The following EYS variants were observed in gnomAD, a reference collection of about 807,000 sequenced individuals.
EYS encodes EGF-like photoreceptor maintenance factor.
A neutral mutation model predicts 282.1 loss-of-function variants in EYS; 250 were observed. That is an observed-to-expected ratio of 0.89 (90% confidence interval 0.80 to 0.98). The LOEUF (loss-of-function observed/expected upper bound fraction) is 0.98, where lower values mean the gene tolerates loss of function less well. Ranked by LOEUF, EYS falls within the 50% of genes least tolerant of loss-of-function variation. The pLI, the probability that EYS is intolerant of heterozygous loss-of-function variation, is 0.00. For synonymous variants in EYS, 1,355 were observed against 1,282.9 expected (o/e 1.06, Z -1.20); for missense variants, 4,016 against 3,709.0 (o/e 1.08, Z -2.15).
At chr6:64,692,777 C>G (rs1022160338) in intron 22 of EYS, among the ~76,000 whole-genome samples, 1 of 151,958 alleles carries the variant, frequency 6.6e-6, no homozygotes, top group African/African-American at 2.4e-5. Context: ...TTTTGTCTAC[C>G]TCATCGAAGA....
chr6:65,601,401 A>C (rs1765611969), intron 2 of EYS, among the ~76,000 whole-genome samples: 1 of 151,922 alleles, frequency 6.6e-6, no homozygotes, highest in Non-Finnish European at 1.5e-5. Flanking sequence ...AATTGTCTGA[A>C]TCCCCATGGC....
chr6:64,394,065 A>C (rs1295259937), intron 28 of EYS, among the ~76,000 whole-genome samples: 2 of 152,132 alleles, frequency 1.3e-5, no homozygotes. Flanking sequence ...CTAGGAATCA[A>C]ACTTACAAGG....
At chr6:64,269,036 T>G (rs936024098) in intron 30 of EYS, among the ~76,000 whole-genome samples, 1 of 152,184 alleles carries the variant, frequency 6.6e-6, no homozygotes, top group Non-Finnish European at 1.5e-5. Flanking sequence ...TGCTTCCTCA[T>G]GTGTGATGTT....
chr6:64,946,091 AT>A (rs1769282100), intron 14 of EYS, among the ~76,000 whole-genome samples, 177 bp from the exon 15 acceptor site: 1 of 152,056 alleles, frequency 6.6e-6, no homozygotes, highest in South Asian at 2.1e-4. Flanking sequence ...TGTGAACAGT[AT>A]TCTTTAGTAT....
intron 41 of EYS, among the ~76,000 whole-genome samples, chr6:63,745,988 T>C (rs1769202248): frequency 6.6e-6 from 1 of 152,206 alleles, no homozygotes; most frequent in Non-Finnish European, 1.5e-5. Context: ...GAGCCCTTGC[T>C]GGAACCTAAC....
intron 12 of EYS, among the ~76,000 whole-genome samples, chr6:65,262,423 T>C (rs1767645514): frequency 6.6e-6 from 1 of 152,096 alleles, no homozygotes; most frequent in African/African-American, 2.4e-5. Flanking sequence ...TTCAGTGACC[T>C]GCCCAGCCCA....
intron 4 of EYS, chr6:65,491,268 T>TACAC (rs775885592): frequency 2.2e-3 from 352 of 160,732 alleles, no homozygotes; most frequent in Non-Finnish European, 2.6e-3. Context: ...ATATCAGTTA[T>TACAC]ATACACACAC....
intron 22 of EYS, among the ~76,000 whole-genome samples, chr6:64,744,621 A>G (rs1416142622): frequency 6.6e-6 from 1 of 152,200 alleles, no homozygotes; most frequent in African/African-American, 2.4e-5. Flanking sequence ...TAAAACTTGA[A>G]CTAAAAACAT....
chr6:65,002,488 T>C (rs1333794258), intron 13 of EYS, among the ~76,000 whole-genome samples: 1 of 127,836 alleles, frequency 7.8e-6, no homozygotes, highest in African/African-American at 2.5e-5. Flanking sequence ...ACCACTACCT[T>C]TTATATCTGG....
At chr6:65,231,574 A>G (rs1199774888) in intron 12 of EYS, among the ~76,000 whole-genome samples, 2 of 151,812 alleles carry the variant, frequency 1.3e-5, no homozygotes, top group South Asian at 2.1e-4. Flanking sequence ...CCTTGACCAT[A>G]AATACACAAA....
intron 30 of EYS, among the ~76,000 whole-genome samples, chr6:64,289,033 T>A (rs1768604154): frequency 6.6e-6 from 1 of 152,072 alleles, no homozygotes; most frequent in Admixed American, 6.6e-5. Flanking sequence ...GTGATTCGGG[T>A]GCTTCATCTA....
At chr6:63,801,148 C>T (rs1582220652) in intron 37 of EYS, among the ~76,000 whole-genome samples, 1 of 152,038 alleles carries the variant, frequency 6.6e-6, no homozygotes. Context: ...TTAGAACCAT[C>T]CCATGTAACA....
At chr6:65,479,650 T>C (rs1765532461) in intron 5 of EYS, among the ~76,000 whole-genome samples, 1 of 152,118 alleles carries the variant, frequency 6.6e-6, no homozygotes, top group Non-Finnish European at 1.5e-5. Context: ...CAACCTTCTA[T>C]GAAATGCGAA....
chr6:64,878,778 C>A (rs1489706791), intron 19 of EYS, among the ~76,000 whole-genome samples: 2 of 151,116 alleles, frequency 1.3e-5, no homozygotes, highest in Non-Finnish European at 2.9e-5. Flanking sequence ...TAACAAGAGT[C>A]AAAATTGGCA....
At chr6:64,067,397 C>G (rs1168578438) in intron 32 of EYS, among the ~76,000 whole-genome samples, 2 of 152,106 alleles carry the variant, frequency 1.3e-5, no homozygotes, top group Non-Finnish European at 2.9e-5. Flanking sequence ...CTTTTCTGCT[C>G]TTCATCAAAA....
At chr6:64,795,356 GT>G (rs1202018198) in intron 22 of EYS, among the ~76,000 whole-genome samples, 10 of 42,140 alleles carry the variant, frequency 2.4e-4, no homozygotes, top group Admixed American at 1.4e-3. Context: ...GAAGTGGGTG[GT>G]TGGTTGAAAA....
chr6:64,872,196 C>G (rs1438206738), intron 19 of EYS, among the ~76,000 whole-genome samples: 1 of 151,904 alleles, frequency 6.6e-6, no homozygotes, highest in Non-Finnish European at 1.5e-5. Flanking sequence ...TCATAGCCAG[C>G]CTGTTGTTAC....
chr6:65,215,166 C>T (rs1448435557), intron 12 of EYS, among the ~76,000 whole-genome samples: 3 of 151,880 alleles, frequency 2.0e-5, no homozygotes, highest in African/African-American at 7.3e-5. Context: ...GCTATAGATA[C>T]CATAGATAGT....
intron 19 of EYS, among the ~76,000 whole-genome samples, chr6:64,872,154 T>C (rs569650817): frequency 6.6e-6 from 1 of 151,824 alleles, no homozygotes; most frequent in South Asian, 2.1e-4. Flanking sequence ...AAAGGGAGAG[T>C]GTATGTCCCA....
Sources: allele counts gnomAD v4.1 joint callset (sites outside exome capture counted in the v4.1 genomes callset), GRCh38; gene constraint gnomAD v4.1.1; transcripts MANE v1.5; gene names NCBI Gene and HGNC (gene_info 2026-07-23, HGNC 2026-07-21).